Variants in OCSTAMP observed in about 807,000 individuals in gnomAD.
The protein encoded by OCSTAMP is osteoclast stimulatory transmembrane protein, also known as transmembrane protein C20orf123.
OCSTAMP carries 17 observed loss-of-function variants against 25.2 expected under a neutral mutation model. That is an observed-to-expected ratio of 0.68 (90% CI 0.46 to 1.01). The LOEUF (loss-of-function observed/expected upper bound fraction) is 1.01. Among genes scored for constraint, OCSTAMP ranks in the 50% least tolerant of loss-of-function variants. The pLI is 0.00. For missense variants in OCSTAMP, 664 were observed against 694.6 expected (o/e 0.96, Z 0.50); for synonymous variants, 345 against 318.9 (o/e 1.08, Z -0.87).
At chr20:46,549,808 C>CTGTGTG (rs3971980) in intron 1 of OCSTAMP, among the ~76,000 whole-genome samples, 1 of 149,154 alleles carries the variant, frequency 6.7e-6, no homozygotes, top group African/African-American at 2.5e-5. Flanking sequence ...GTGGCCCACT[C>CTGTGTG]TGTGTGTGTG....
chr20:46,549,301 T>C (rs894146376), intron 1 of OCSTAMP, among the ~76,000 whole-genome samples: 3 of 152,218 alleles, frequency 2.0e-5, no homozygotes, highest in African/African-American at 7.2e-5. Flanking sequence ...TGATGATACT[T>C]ATGTCAACGA....
chr20:46,541,089 T>C lies in OCSTAMP; in HGVS notation c.*185A>G, dbSNP rs2061831739. ...AAAACTATGGGTTACTATAAATGAG[T>C]TTAGAGGATTTTGAGGCATATAAAT... On this transcript the variant is annotated 3_prime_UTR_variant, in exon 3 of 3. Transcript: ENST00000279028. 6 of 578,020 alleles carry C rather than the reference T, an allele frequency of 1.0e-5. No individual in the cohort carries two copies. The South Asian group carries it at 1.2e-4, about 11-fold the overall frequency. The allele number at this position is 578,020 out of a possible 1,614,324, so 35.8% of individuals were successfully genotyped here. A position where few individuals can be genotyped will look rare whatever the true frequency, so the allele number is the denominator to read the frequency against.
At chr20:46,550,446 A>G in intron 1 of OCSTAMP, 71 bp downstream of exon 1, 1 of 1,372,004 alleles carries the variant, frequency 7.3e-7, no homozygotes. Context: ...ATTTGGGTTC[A>G]TATCCATCAC....
chr20:46,550,405 G>T, intron 1 of OCSTAMP, 112 bp downstream of exon 1: 1 of 903,542 alleles, frequency 1.1e-6, no homozygotes, highest in Non-Finnish European at 1.7e-6. Flanking sequence ...TTTGCCTAAG[G>T]TCACATAGCC....
In OCSTAMP at chr20:46,545,427, G is replaced by A. The variant is rs572263812; in HGVS notation, c.947C>T (p.Ala316Val). The change falls in exon 2 of 3, where the codon GCG (alanine) becomes GTG (valine). Residue 316 changes from alanine to valine, a missense_variant. Transcript: ENST00000279028. Reference sequence around the variant, plus strand: ...GAAGGCTACATGGTCTGTGGCCACCGCCACAGCCGTGGCCACGAGGAGCAG... The same window carrying A: ...GAAGGCTACATGGTCTGTGGCCACCACCACAGCCGTGGCCACGAGGAGCAG... ...LALLLVATAVAVATDHVAFLL... is the reference protein window; with the variant it reads ...LALLLVATAVVVATDHVAFLL... 6.2e-4 allele frequency: 967 copies of A among 1,550,244 alleles called. 3 individuals are homozygous for A. Among genetic ancestry groups the A allele is most frequent in the Middle Eastern group, 4.2e-3 (25 of 5,986 alleles).
intron 1 of OCSTAMP, among the ~76,000 whole-genome samples, chr20:46,548,507 T>C (rs994687386): frequency 6.6e-6 from 1 of 152,068 alleles, no homozygotes; most frequent in Admixed American, 6.6e-5. Context: ...GCGGAGGTGA[T>C]GGATGCTTGA....
intron 2 of OCSTAMP, 61 bp downstream of exon 2, chr20:46,545,266 C>T (rs1255691738): frequency 2.8e-6 from 4 of 1,407,804 alleles, no homozygotes; most frequent in Non-Finnish European, 1.9e-6. Flanking sequence ...AAGGGTTTAA[C>T]AGATTCTCCC....
rs980747922 is a variant in OCSTAMP, at chr20:46,541,308, A to G, written c.1667T>C (p.Met556Thr). ...CCTATCATGCCCAGTATTTCCTTCC[A>G]TCCTGACCACATCCCTGCGTGGGAA... ...TYFPRRDVVR[M>T]EGNTGHDRPG The change falls in exon 3 of 3, where the codon ATG becomes ACG. Residue 556 changes from methionine to threonine, a missense_variant. Met to Thr is a moderately conservative substitution (Grantham distance 81). Transcript: ENST00000279028. The G allele has an allele frequency of 2.7e-6, 2 of 730,760 alleles. No individual in the cohort carries two copies. Among genetic ancestry groups the G allele is most frequent in the South Asian group, 1.5e-5 (1 of 67,842 alleles). 45.3% of individuals were successfully genotyped at this position (730,760 alleles called of 1,614,324 possible). A position where few individuals can be genotyped will look rare whatever the true frequency, so the allele number is the denominator to read the frequency against.
Position 46,545,947 on chromosome 20 carries a change from C to G in OCSTAMP, c.427G>C (p.Gly143Arg). ...CACCTCAGCACCTGCCCGGCCGCAC[C>G]CACGTTGGCCAGGACGTTGGGCACC... is the stretch of plus-strand genomic sequence containing the variant. The part of the protein sequence containing the change: ...AVVPNVLANV[G>R]AAGQVLRCVT... The change falls in exon 2 of 3, where the codon GGT (glycine) becomes CGT (arginine). Residue 143 changes from glycine (G) to arginine (R), a missense_variant. Transcript: ENST00000279028. The G allele has an allele frequency of 6.4e-7, 1 of 1,551,420 alleles. No homozygotes were observed. The highest frequency in any genetic ancestry group is 8.7e-7 in the Non-Finnish European group (1 of 1,146,990).
chr20:46,549,107 A>C (rs1430012432), intron 1 of OCSTAMP, among the ~76,000 whole-genome samples: 2 of 152,142 alleles, frequency 1.3e-5, no homozygotes, highest in Non-Finnish European at 2.9e-5. Context: ...ACACTAGGAG[A>C]TGTCTGTTTT....
chr20:46,541,950 G>A (rs1246152997), intron 2 of OCSTAMP, 23 bp from the exon 3 acceptor site: 2 of 1,416,918 alleles, frequency 1.4e-6, no homozygotes, highest in Admixed American at 3.3e-5. Context: ...GAAAAAGGCA[G>A]GGTCAACTGA....
In OCSTAMP at chr20:46,545,300, C is replaced by T. The variant is rs77644817; in HGVS notation, c.1047+27G>A. On this transcript the variant is annotated intron_variant, in intron 2 of 2. Transcript: ENST00000279028. ...CCCCTGCCCTCAAAACAATGACTCC[C>T]TTCCCTTTTCCCATCATCACACTTA... 54 of 1,444,626 alleles carry T rather than the reference C, an allele frequency of 3.7e-5. No homozygotes were observed. The African/African-American group carries it at 7.2e-4, about 19-fold the overall frequency. 89.5% of individuals were successfully genotyped at this position (1,444,626 alleles called of 1,614,324 possible).
rs2061850004 is a variant in OCSTAMP at position 46,545,784 on chromosome 20, T to C, written c.590A>G (p.Tyr197Cys). The C allele has an allele frequency of 6.4e-7, 1 of 1,551,332 alleles. No homozygotes were observed. Among genetic ancestry groups the C allele is most frequent in the East Asian group, 2.4e-5 (1 of 40,900 alleles). ...CTGAGTGACCCTGAGCATGTGAAGG[T>C]AGAAGGCAGAGCCATTGTCCTGGGC... ...FEAQDNGSAF[Y>C]LHMLRVTQQV... is the part of the protein sequence containing the mutation. Residue 197 changes from tyrosine (Y) to cysteine (C), a missense_variant, in exon 2 of 3, where the codon TAC (tyrosine) becomes TGC (cysteine). Physicochemically the swap from Tyr to Cys is radical, Grantham distance 194. Transcript: ENST00000279028.
At chr20:46,549,500 G>C (rs2061863589) in intron 1 of OCSTAMP, among the ~76,000 whole-genome samples, 1 of 152,192 alleles carries the variant, frequency 6.6e-6, no homozygotes, top group South Asian at 2.1e-4. Context: ...CTGGACTGGG[G>C]TGGGATAGAT....
Position 46,541,879 on chromosome 20 carries a change from C to G in OCSTAMP, c.1096G>C (p.Ala366Pro). The G allele has an allele frequency of 6.8e-7, 1 of 1,462,188 alleles. No individual in the cohort carries two copies. Among genetic ancestry groups the G allele is most frequent in the African/African-American group, 1.4e-5 (1 of 69,258 alleles). The allele number at this position is 1,462,188 out of a possible 1,614,324, so 90.6% of individuals were successfully genotyped here. A position where few individuals can be genotyped will look rare whatever the true frequency, so the allele number is the denominator to read the frequency against. The change falls in exon 3 of 3, where the codon GCT becomes CCT. Residue 366 changes from alanine to proline, a missense_variant. Ala to Pro is a conservative substitution (Grantham distance 27). Transcript: ENST00000279028. Reference sequence around the variant, plus strand: ...ACGGAGAGGAAGGGGCTCTCCGGAGCCAGCTGGTTGAAGAGGAAAGGGATG... The same window carrying G: ...ACGGAGAGGAAGGGGCTCTCCGGAGGCAGCTGGTTGAAGAGGAAAGGGATG... ...GFIPFLFNQL[A>P]PESPFLSVHS...
rs1398696194 is a variant in OCSTAMP at position 46,541,762 on chromosome 20, C to A, written c.1213G>T (p.Ala405Ser). ...RRPRAAAPLA[A>S]GALQLLAGST... ...CCCGCCAGGAGCTGCAGGGCCCCCGCGGCCAGCGGGGCAGCTGCGCGGGGA... is the reference window on the plus strand; with the variant it reads ...CCCGCCAGGAGCTGCAGGGCCCCCGAGGCCAGCGGGGCAGCTGCGCGGGGA... The change falls in exon 3 of 3, where the codon GCG becomes TCG. Residue 405 changes from alanine to serine, a missense_variant. Coordinates refer to ENST00000279028, the MANE Select transcript of OCSTAMP (RefSeq NM_080721.3). 6.5e-7 allele frequency: 1 copy of A among 1,534,176 alleles called. No individual in the cohort carries two copies. Among genetic ancestry groups the A allele is most frequent in the Non-Finnish European group, 8.8e-7 (1 of 1,140,130 alleles).
At chr20:46,543,083 A>T (rs1319787988) in intron 2 of OCSTAMP, among the ~76,000 whole-genome samples, 2 of 149,618 alleles carry the variant, frequency 1.3e-5, no homozygotes, top group Non-Finnish European at 3.0e-5. Context: ...CTCCTCGGCC[A>T]GAGTCATTCA....
chr20:46,549,925 C>A (rs1270309603), intron 1 of OCSTAMP, among the ~76,000 whole-genome samples: 1 of 151,860 alleles, frequency 6.6e-6, no homozygotes, highest in African/African-American at 2.4e-5. Flanking sequence ...GAGCTCCCAC[C>A]TTTGCAACAG....
Position 46,541,740 on chromosome 20 carries a change from G to A in OCSTAMP, c.1235C>T (p.Ala412Val), listed in dbSNP as rs1328777496. The change falls in exon 3 of 3, where the codon GCG (alanine) becomes GTG (valine). Residue 412 changes from alanine (A) to valine (V), a missense_variant. Ala to Val is a moderately conservative substitution (Grantham distance 64). Transcript: ENST00000279028. ...GGCCTCCAGGAGCACCGTGGAGCCCGCCAGGAGCTGCAGGGCCCCCGCGGC... is the reference window on the plus strand; with the variant it reads ...GGCCTCCAGGAGCACCGTGGAGCCCACCAGGAGCTGCAGGGCCCCCGCGGC... ...PLAAGALQLL[A>V]GSTVLLEAYA... The A allele has an allele frequency of 8.4e-6, 13 of 1,545,624 alleles. No individual in the cohort carries two copies. In the African/African-American group the frequency reaches 9.6e-5, roughly 11 times the overall value.
Sources: gnomAD v4.1 joint callset for allele counts (sites outside exome capture counted in the v4.1 genomes callset) on GRCh38, gnomAD v4.1.1 for gene constraint, MANE v1.5 for transcripts, NCBI Gene and HGNC (gene_info 2026-07-23, HGNC 2026-07-21) for gene names.